The following CR2 variants were observed in gnomAD, a reference collection of about 807,000 sequenced individuals.
CR2 encodes complement C3d receptor 2.
Under a neutral mutation model 123.0 loss-of-function variants are expected in CR2, and 96 were observed. The observed-to-expected ratio is 0.78, with a 90% CI of 0.66 to 0.93. CR2 has a LOEUF of 0.93. CR2 is among the 40% of genes least tolerant of loss of function. CR2 has a pLI of 0.00. For synonymous variants in CR2, 484 were observed against 469.5 expected, an observed-to-expected ratio of 1.03 and a Z score of -0.40; for missense variants, 1,258 against 1,361.0, an observed-to-expected ratio of 0.92 and a Z score of 1.19.
At chr1:207,456,773 G>C (rs537047688) in intron 1 of CR2, among the ~76,000 whole-genome samples, 4 of 152,060 alleles carry the variant, frequency 2.6e-5, no homozygotes, top group Admixed American at 2.6e-4. Context: ...AGGCCTTCCC[G>C]TCACATTAGA....
rs1013574451 is a variant in CR2 at position 207,466,704 on chromosome 1, T to C, written c.237T>C (p.Ala79=). 6.2e-7 allele frequency: 1 copy of C among 1,613,950 alleles called. No individual in the cohort carries two copies. The highest frequency in any genetic ancestry group is 1.3e-5 in the African/African-American group (1 of 74,890). ...DKVDGTWDKP[A]PKCEYFNKYS... Reference sequence around the variant, plus strand: ...TGGATGGAACCTGGGATAAACCTGCTCCTAAATGTGAATATTTCAATAAAT... The same window carrying C: ...TGGATGGAACCTGGGATAAACCTGCCCCTAAATGTGAATATTTCAATAAAT... Residue 79 remains alanine, a synonymous_variant, in exon 2 of 20, where the codon GCT becomes GCC. Transcript: ENST00000367057.
chr1:207,469,605 T>C (rs111594580), intron 5 of CR2, 90 bp from the exon 6 acceptor site: 1 of 1,174,812 alleles, frequency 8.5e-7, no homozygotes, highest in African/African-American at 1.5e-5. Flanking sequence ...GATATCACTG[T>C]CCTAGGATAG....
intron 13 of CR2, 99 bp downstream of exon 13, chr1:207,474,422 G>A (rs973650230): frequency 2.5e-5 from 23 of 902,642 alleles, no homozygotes; most frequent in East Asian, 1.7e-4. Context: ...AGTCTTAGGC[G>A]TCTCCCTCAT....
chr1:207,476,470 A>G, intron 15 of CR2, 51 bp downstream of exon 15: 2 of 1,518,194 alleles, frequency 1.3e-6, no homozygotes, highest in South Asian at 1.2e-5. Context: ...TGTGCCAAAT[A>G]GATATATTCA....
chr1:207,465,570 G>T (rs767880423), intron 1 of CR2, among the ~76,000 whole-genome samples: 2 of 152,212 alleles, frequency 1.3e-5, no homozygotes, highest in South Asian at 2.1e-4. Flanking sequence ...AACAGTTCTC[G>T]AAAGTTACCC....
At chr1:207,464,008 C>T (rs1658028329) in intron 1 of CR2, among the ~76,000 whole-genome samples, 1 of 152,136 alleles carries the variant, frequency 6.6e-6, no homozygotes, top group Non-Finnish European at 1.5e-5. Flanking sequence ...ACCACACGTT[C>T]CTTTGTTTAC....
At chr1:207,473,996 G>C in intron 12 of CR2, 111 bp downstream of exon 12, 2 of 1,034,954 alleles carry the variant, frequency 1.9e-6, no homozygotes, top group South Asian at 2.6e-5. Flanking sequence ...ATTGTCACAG[G>C]CATGGAGAAT....
In CR2 at chr1:207,485,465, AATT is replaced by A; in HGVS notation, c.3196_3198del (p.Tyr1066del). The A allele has an allele frequency of 6.3e-7, 1 of 1,588,458 alleles. No individual in the cohort carries two copies. Among genetic ancestry groups the A allele is most frequent in the Non-Finnish European group, 8.6e-7 (1 of 1,156,720 alleles). Reference sequence around the variant, plus strand: ...ATTTTTCTTTCTTCTTCTGTTTAGCAATTATTATACAGATACAAGCCAGAAAGA... The same window carrying A: ...ATTTTTCTTTCTTCTTCTGTTTAGCAATTATACAGATACAAGCCAGAAAGA... On this transcript the variant is annotated inframe_deletion and splice_region_variant, in exon 19 of 20. Coordinates refer to ENST00000367057, the MANE Select transcript of CR2 (RefSeq NM_001006658.3).
chr1:207,462,960 T>C (rs930216426), intron 1 of CR2, among the ~76,000 whole-genome samples: 4 of 152,154 alleles, frequency 2.6e-5, no homozygotes, highest in African/African-American at 9.7e-5. Context: ...TGTTCTAGAG[T>C]TGACTGATCC....
intron 18 of CR2, among the ~76,000 whole-genome samples, chr1:207,483,695 A>G (rs996797344): frequency 6.6e-6 from 1 of 152,006 alleles, no homozygotes; most frequent in African/African-American, 2.4e-5. Context: ...GCTCACATGA[A>G]GGCGATGAGG....
chr1:207,458,297 A>G (rs1313517173), intron 1 of CR2, among the ~76,000 whole-genome samples: 1 of 151,044 alleles, frequency 6.6e-6, no homozygotes, highest in Non-Finnish European at 1.5e-5. Flanking sequence ...TTTTGGCCCT[A>G]AACTGTACTC....
In CR2 at chr1:207,468,812, A is replaced by G. The variant is rs573721416; in HGVS notation, c.647A>G (p.Lys216Arg). 2.5e-6 allele frequency: 4 copies of G among 1,613,976 alleles called. No individual in the cohort carries two copies. The highest frequency in any genetic ancestry group is 1.1e-5 in the South Asian group (1 of 91,082). Residue 216 changes from lysine (K) to arginine (R), a missense_variant, in exon 4 of 20, where the codon AAA (lysine) becomes AGA (arginine). Physicochemically the swap from Lys to Arg is conservative, Grantham distance 26. Coordinates refer to ENST00000367057, the MANE Select transcript of CR2 (RefSeq NM_001006658.3). Reference sequence around the variant, plus strand: ...GTTTGTTTTTTAGAGGCACGCTGTAAATCTCTAGGACGATTTCCCAATGGG... The same window carrying G: ...GTTTGTTTTTTAGAGGCACGCTGTAGATCTCTAGGACGATTTCCCAATGGG... ...VPPTCEEARC[K>R]SLGRFPNGKV...
rs755524953 is a variant in CR2, at chr1:207,468,720, C to A, written c.634+5C>A. 5 of 1,613,712 alleles carry A rather than the reference C, an allele frequency of 3.1e-6. No individual in the cohort carries two copies. Among genetic ancestry groups the A allele is most frequent in the African/African-American group, 2.7e-5 (2 of 74,848 alleles). ...CTGTCCCCCCCACATGTGAAGGTAC[C>A]CTAAATTTACAATCTATTTTAAGAA... is the stretch of plus-strand genomic sequence containing the variant. On this transcript the variant is annotated splice_donor_5th_base_variant and intron_variant, in intron 3 of 19. Transcript: ENST00000367057.
At chr1:207,456,083 T>G (rs965867419) in intron 1 of CR2, among the ~76,000 whole-genome samples, 1 of 152,216 alleles carries the variant, frequency 6.6e-6, no homozygotes, top group Admixed American at 6.5e-5. Flanking sequence ...TATATTTTCA[T>G]TATTTCACTC....
intron 12 of CR2, 98 bp from the exon 13 acceptor site, chr1:207,474,143 C>G: frequency 2.7e-6 from 3 of 1,104,802 alleles, no homozygotes; most frequent in Non-Finnish European, 4.1e-6. Flanking sequence ...TTCAACTCCT[C>G]TCTGCCAAAG....
Position 207,473,158 on chromosome 1 carries a change from G to C in CR2, c.1957G>C (p.Glu653Gln), listed in dbSNP as rs1389771653. The C allele has an allele frequency of 1.9e-6, 3 of 1,613,826 alleles. No individual in the cohort carries two copies. In the Admixed American group the frequency reaches 5.0e-5, roughly 27 times the overall value. Residue 653 changes from glutamate to glutamine, a missense_variant, in exon 10 of 20, where the codon GAA (glutamate) becomes CAA (glutamine). Coordinates refer to ENST00000367057, the MANE Select transcript of CR2 (RefSeq NM_001006658.3). ...RCKADNTWDP[E>Q]IPVCEKGCQS... ...CAAAGCTGATAACACCTGGGATCCT[G>C]AAATACCAGTTTGTGAAAAAGGTAA... is the stretch of plus-strand genomic sequence containing the variant.
In CR2 at chr1:207,485,514, G is replaced by A. The variant is rs768446701; in HGVS notation, c.3239G>A (p.Arg1080Gln). Residue 1080 changes from arginine to glutamine, a missense_variant, in exon 19 of 20, where the codon CGA becomes CAA. Physicochemically the swap from Arg to Gln is conservative, Grantham distance 43. Transcript: ENST00000367057. Reference sequence around the variant, plus strand: ...AAAGAAGCTTTTCATTTAGAAGCACGAGAAGTATATTCTGTTGATCCATAC... The same window carrying A: ...AAAGAAGCTTTTCATTTAGAAGCACAAGAAGTATATTCTGTTGATCCATAC... ...SQKEAFHLEAREVYSVDPYNP... is the reference protein window; with the variant it reads ...SQKEAFHLEAQEVYSVDPYNP... The A allele has an allele frequency of 7.4e-6, 12 of 1,613,344 alleles. No homozygotes were observed. Among genetic ancestry groups the A allele is most frequent in the African/African-American group, 5.3e-5 (4 of 74,900 alleles).
At chr1:207,461,910 C>A (rs1657976307) in intron 1 of CR2, among the ~76,000 whole-genome samples, 2 of 152,058 alleles carry the variant, frequency 1.3e-5, no homozygotes, top group Non-Finnish European at 2.9e-5. Flanking sequence ...GTGAAGAGGG[C>A]TCCTGAGTGC....
rs763432174 is a variant in CR2, at chr1:207,475,119, T to C, written c.2619T>C (p.Val873=). 2 of 1,612,660 alleles carry C rather than the reference T, an allele frequency of 1.2e-6. No individual in the cohort carries two copies. The highest frequency in any genetic ancestry group is 1.3e-5 in the African/African-American group (1 of 74,888). Residue 873 remains valine, a synonymous_variant, in exon 14 of 20, where the codon GTT becomes GTC. Coordinates refer to ENST00000367057, the MANE Select transcript of CR2 (RefSeq NM_001006658.3). The part of the protein sequence containing the change: ...SAYSHNDIVY[V]DCNPGFIMNG... ...ATTCCCACAATGACATAGTGTATGT[T>C]GACTGCAATCCTGGCTTCATCATGA...
Sources: gnomAD v4.1 joint callset for allele counts (sites outside exome capture counted in the v4.1 genomes callset) on GRCh38, gnomAD v4.1.1 for gene constraint, MANE v1.5 for transcripts, NCBI Gene and HGNC (gene_info 2026-07-23, HGNC 2026-07-21) for gene names.